FANCL: variants seen among roughly 807,000 people sequenced by gnomAD.
FANCL encodes E3 ubiquitin-protein ligase FANCL.
FANCL carries 69 observed loss-of-function variants against 59.4 expected under a neutral mutation model. The ratio of observed to expected loss-of-function variants is 1.16; its 90% CI spans 0.96 to 1.42. The LOEUF (loss-of-function observed/expected upper bound fraction) is 1.42, where lower values mean the gene tolerates loss of function less well. Among genes scored for constraint, FANCL ranks in the 40% most tolerant of loss-of-function variants. FANCL has a pLI of 0.00. For missense variants in FANCL, 519 were observed against 447.2 expected, an observed-to-expected ratio of 1.16 and a Z score of -1.45; for synonymous variants, 180 against 147.1, an observed-to-expected ratio of 1.22 and a Z score of -1.62.
rs758336022 is a variant in FANCL, at chr2:58,165,783, GTCT to G, written c.629_631del (p.Lys210del). 3 of 1,614,002 alleles carry G rather than the reference GTCT, an allele frequency of 1.9e-6. No individual in the cohort carries two copies. The highest frequency in any genetic ancestry group is 2.5e-6 in the Non-Finnish European group (3 of 1,179,962). Reference sequence around the variant, plus strand: ...AGGTTTTTCTGGCTCAAGTACCCAGGTCTTCTCATCGATTTCATCCATAACATC... The same window carrying G: ...AGGTTTTTCTGGCTCAAGTACCCAGGTCTCATCGATTTCATCCATAACATC... On this transcript the variant is annotated inframe_deletion, in exon 8 of 14. Coordinates refer to ENST00000233741, the MANE Select transcript of FANCL (RefSeq NM_018062.4).
chr2:58,215,007 C>A (rs2105229505), intron 5 of FANCL, among the ~76,000 whole-genome samples: 1 of 152,336 alleles, frequency 6.6e-6, no homozygotes, highest in African/African-American at 2.4e-5. Context: ...CTCAAACTCA[C>A]CATCTCAATA....
chr2:58,186,152 T>C (rs553591101), intron 7 of FANCL, among the ~76,000 whole-genome samples: 1 of 152,318 alleles, frequency 6.6e-6, no homozygotes, highest in South Asian at 2.1e-4. Flanking sequence ...GCCTTTGATT[T>C]ATAAATTGAT....
intron 7 of FANCL, among the ~76,000 whole-genome samples, chr2:58,183,785 A>C (rs953721109): frequency 1.3e-5 from 2 of 152,080 alleles, no homozygotes; most frequent in South Asian, 2.1e-4. Context: ...TAGCAAAAAA[A>C]TACATTAAAG....
intron 7 of FANCL, among the ~76,000 whole-genome samples, chr2:58,180,929 A>G (rs1197048456): frequency 6.6e-6 from 1 of 152,096 alleles, no homozygotes; most frequent in Non-Finnish European, 1.5e-5. Flanking sequence ...AAATGTTAAT[A>G]AGGACACAAA....
chr2:58,213,911 T>C (rs1691436521), intron 5 of FANCL, among the ~76,000 whole-genome samples: 1 of 152,110 alleles, frequency 6.6e-6, no homozygotes, highest in African/African-American at 2.4e-5. Flanking sequence ...TATCTCCAGG[T>C]AGTTGGGGAG....
chr2:58,170,387 C>T lies in FANCL; in HGVS notation c.541-4513G>A, dbSNP rs562989417. 1.9e-4 allele frequency among the ~76,000 whole-genome samples: 29 copies of T among 152,138 alleles called. No homozygotes were observed. The East Asian group carries it at 3.3e-3, about 17-fold the overall frequency. On this transcript the variant is annotated intron_variant, in intron 7 of 13. Transcript: ENST00000233741. The stretch of plus-strand genomic sequence containing the variant: ...GCCTTACAAGAGCTCCTGAAGGACG[C>T]GTGAAATATGCAAAGGAAAAACCAG...
intron 7 of FANCL, among the ~76,000 whole-genome samples, chr2:58,185,468 A>T (rs1688311115): frequency 6.6e-6 from 1 of 152,170 alleles, no homozygotes; most frequent in Non-Finnish European, 1.5e-5. Context: ...GAGATCATGA[A>T]CCATTAGAAA....
In FANCL at chr2:58,232,056, T is replaced by G; in HGVS notation, c.153A>C (p.Ala51=). ...TTTATAACTAAACACCATATCACCT[T>G]GCATTCTTCAGTTGTAAATCTTCAG... is the stretch of plus-strand genomic sequence containing the variant. ...VLPEDLQLKN[A]RLLCSWQLRT... The change falls in exon 2 of 14, where the codon GCA becomes GCC. Residue 51 remains alanine (A), a splice_region_variant and synonymous_variant. Transcript: ENST00000233741. 1 of 1,613,094 alleles carries G rather than the reference T, an allele frequency of 6.2e-7. No homozygotes were observed. Among genetic ancestry groups the G allele is most frequent in the East Asian group, 2.2e-5 (1 of 44,782 alleles).
chr2:58,238,390 T>C (rs371556562), intron 1 of FANCL, among the ~76,000 whole-genome samples: 4 of 152,204 alleles, frequency 2.6e-5, no homozygotes, highest in African/African-American at 9.6e-5. Flanking sequence ...GAGACAATAA[T>C]TGTTTTTGTT....
chr2:58,218,066 T>C (rs924457052), intron 5 of FANCL, among the ~76,000 whole-genome samples: 1 of 152,038 alleles, frequency 6.6e-6, no homozygotes. Flanking sequence ...GTTTGAAAAT[T>C]AAGAGATATA....
chr2:58,232,011 C>T lies in FANCL; in HGVS notation c.155+43G>A, dbSNP rs1218344335. 4 of 1,578,280 alleles carry T rather than the reference C, an allele frequency of 2.5e-6. No homozygotes were observed. In the African/African-American group the frequency reaches 4.0e-5, roughly 16 times the overall value. ...TATACCAAATGTACTGCCTGTCCCACCAAAATGCAAAAATGCACGTTTATA... is the reference window on the plus strand; with the variant it reads ...TATACCAAATGTACTGCCTGTCCCATCAAAATGCAAAAATGCACGTTTATA... On this transcript the variant is annotated intron_variant, in intron 2 of 13. Coordinates refer to ENST00000233741, the MANE Select transcript of FANCL (RefSeq NM_018062.4).
At chr2:58,227,910 AGAGGAG>A (rs573225884) in intron 3 of FANCL, among the ~76,000 whole-genome samples, 1 of 151,862 alleles carries the variant, frequency 6.6e-6, no homozygotes, top group African/African-American at 2.4e-5. Flanking sequence ...AAGAGAAAGA[AGAGGAG>A]GAGGAGGAGG....
intron 7 of FANCL, among the ~76,000 whole-genome samples, chr2:58,171,324 A>C (rs1401160416): frequency 6.6e-6 from 1 of 152,216 alleles, no homozygotes. Context: ...TTGAAACTTA[A>C]GTTATTGAGA....
intron 1 of FANCL, among the ~76,000 whole-genome samples, chr2:58,238,758 T>C (rs531322738): frequency 5.9e-5 from 9 of 152,206 alleles, no homozygotes; most frequent in African/African-American, 2.2e-4. Context: ...AAAAAGGACC[T>C]TCCACGAGAA....
At chr2:58,163,203 CAA>C in intron 9 of FANCL, 129 bp from the exon 10 acceptor site, 3 of 832,904 alleles carry the variant, frequency 3.6e-6, no homozygotes, top group East Asian at 5.4e-5. Flanking sequence ...TGTTAAAAAA[CAA>C]AATTATACAG....
intron 3 of FANCL, among the ~76,000 whole-genome samples, chr2:58,227,171 T>G (rs1693092120): frequency 1.3e-5 from 2 of 152,180 alleles, no homozygotes; most frequent in South Asian, 4.1e-4. Flanking sequence ...ACGGGCAGGC[T>G]GTGGAGCTCC....
intron 7 of FANCL, among the ~76,000 whole-genome samples, chr2:58,170,540 G>A (rs972274934): frequency 9.2e-5 from 14 of 151,838 alleles, no homozygotes; most frequent in African/African-American, 2.9e-4. Flanking sequence ...ATGTAAACGA[G>A]CTAAATCCCC....
chr2:58,185,344 G>T (rs1688298400), intron 7 of FANCL, among the ~76,000 whole-genome samples: 1 of 152,042 alleles, frequency 6.6e-6, no homozygotes, highest in South Asian at 2.1e-4. Context: ...GCTTGTCCAT[G>T]AAAAGATCTG....
Position 58,171,103 on chromosome 2 carries a change from T to A in FANCL, c.541-5229A>T, listed in dbSNP as rs1405681081. ...TCTCAGCACCACATCACACTTCTTT[T>A]AAAACTGATCACAAAATTTGAAGTA... On this transcript the variant is annotated intron_variant, in intron 7 of 13. Transcript: ENST00000233741. Among the ~76,000 whole-genome samples, 8 of 152,276 alleles carry A rather than the reference T, an allele frequency of 5.3e-5. No individual in the cohort carries two copies. In the East Asian group the frequency reaches 1.3e-3, roughly 26 times the overall value.
Sources: gnomAD v4.1 joint callset for allele counts (sites outside exome capture counted in the v4.1 genomes callset) on GRCh38, gnomAD v4.1.1 for gene constraint, MANE v1.5 for transcripts, NCBI Gene and HGNC (gene_info 2026-07-23, HGNC 2026-07-21) for gene names.